Variants in MARCHF1 observed in about 807,000 individuals in gnomAD.
MARCHF1 encodes membrane associated ring-CH-type finger 1, also known as E3 ubiquitin-protein ligase MARCHF1.
MARCHF1 carries 40 observed loss-of-function variants against 54.2 expected under a neutral mutation model. The ratio of observed to expected loss-of-function variants is 0.74; its 90% CI spans 0.57 to 0.96. MARCHF1 has a LOEUF of 0.96. Among genes scored for constraint, MARCHF1 ranks in the 40% least tolerant of loss-of-function variants. The pLI, the probability that MARCHF1 is intolerant of heterozygous loss-of-function variation, is 0.00. For synonymous variants in MARCHF1, 236 were observed against 236.3 expected (o/e 1.00, Z 0.01); for missense variants, 586 against 656.5 (o/e 0.89, Z 1.17).
chr4:163,837,318 CA>C (rs925644402), intron 4 of MARCHF1, among the ~76,000 whole-genome samples: 4 of 150,452 alleles, frequency 2.7e-5, no homozygotes, highest in Non-Finnish European at 5.9e-5. Flanking sequence ...AGCTGCAATA[CA>C]AAAAAAAAGT....
chr4:164,177,659 A>G (rs1730723615), intron 1 of MARCHF1, among the ~76,000 whole-genome samples: 1 of 152,194 alleles, frequency 6.6e-6, no homozygotes, highest in Non-Finnish European at 1.5e-5. Context: ...TAAGTGACAT[A>G]CTTAAGAAGA....
intron 3 of MARCHF1, among the ~76,000 whole-genome samples, chr4:163,952,241 A>G (rs1190802524): frequency 1.3e-5 from 2 of 152,200 alleles, no homozygotes; most frequent in Non-Finnish European, 1.5e-5. Context: ...TATTTCACAC[A>G]TTCTTTTATT....
chr4:164,082,150 C>G (rs1374965051), intron 2 of MARCHF1, among the ~76,000 whole-genome samples: 1 of 152,202 alleles, frequency 6.6e-6, no homozygotes, highest in Non-Finnish European at 1.5e-5. Context: ...TACATGTTCA[C>G]TGTAAATATC....
intron 3 of MARCHF1, among the ~76,000 whole-genome samples, chr4:163,905,629 T>C (rs1751048768): frequency 6.6e-6 from 1 of 152,108 alleles, no homozygotes; most frequent in Non-Finnish European, 1.5e-5. Context: ...AAGATATTGC[T>C]CTGGAGGTCC....
chr4:164,112,027 G>A (rs903316151), intron 1 of MARCHF1, among the ~76,000 whole-genome samples: 2 of 151,806 alleles, frequency 1.3e-5, no homozygotes, highest in Non-Finnish European at 3.0e-5. Flanking sequence ...TCCAAAGACA[G>A]AGGCAAAATT....
intron 8 of MARCHF1, among the ~76,000 whole-genome samples, chr4:163,554,511 T>C (rs1195841933): frequency 6.6e-6 from 1 of 152,202 alleles, no homozygotes; most frequent in Non-Finnish European, 1.5e-5. Flanking sequence ...AGAAGCCACA[T>C]GGTCAGAGAG....
intron 7 of MARCHF1, among the ~76,000 whole-genome samples, chr4:163,604,361 A>G (rs1741075354): frequency 6.6e-6 from 1 of 152,068 alleles, no homozygotes; most frequent in South Asian, 2.1e-4. Context: ...GTGGTTACCT[A>G]CCCAGTGTTC....
intron 2 of MARCHF1, among the ~76,000 whole-genome samples, chr4:164,011,100 G>A (rs948423590): frequency 6.6e-6 from 1 of 151,886 alleles, no homozygotes; most frequent in African/African-American, 2.4e-5. Flanking sequence ...CTCGAACCAC[G>A]CCCCAAATTC....
At position 163,921,617 on chromosome 4, in the gene MARCHF1, A is replaced by ATT. The variant is rs397715792; in HGVS notation, c.-39+66882_-39+66883dup. Among the ~76,000 whole-genome samples the ATT allele has an allele frequency of 2.0e-3, 298 of 151,992 alleles. 1 individual carries two copies. Among genetic ancestry groups the ATT allele is most frequent in the African/African-American group, 7.0e-3 (288 of 41,436 alleles). On this transcript the variant is annotated intron_variant, in intron 3 of 9. Transcript: ENST00000514618. Reference sequence around the variant, plus strand: ...TTTAGGAATTCTTCGTTGGTTATATATTTTTTTCTCACATTGTTACAGCTG... The same window carrying ATT: ...TTTAGGAATTCTTCGTTGGTTATATATTTTTTTTTCTCACATTGTTACAGCTG...
At chr4:164,254,173 C>T (rs1733202365) in intron 1 of MARCHF1, among the ~76,000 whole-genome samples, 1 of 151,766 alleles carries the variant, frequency 6.6e-6, no homozygotes. Flanking sequence ...GTGATCTCGG[C>T]TCTGAGTAGC....
intron 2 of MARCHF1, among the ~76,000 whole-genome samples, chr4:164,078,127 A>G (rs1460548885): frequency 6.6e-6 from 1 of 152,240 alleles, no homozygotes; most frequent in African/African-American, 2.4e-5. Flanking sequence ...ACTTGGAACC[A>G]ATCTAAACGC....
intron 9 of MARCHF1, among the ~76,000 whole-genome samples, 192 bp from the exon 10 acceptor site, chr4:163,529,238 G>T (rs1483863224): frequency 6.6e-6 from 1 of 151,800 alleles, no homozygotes; most frequent in Non-Finnish European, 1.5e-5. Flanking sequence ...TATCCTACAT[G>T]TACTGTCAAA....
At chr4:164,233,485 A>G (rs1165575148) in intron 1 of MARCHF1, among the ~76,000 whole-genome samples, 1 of 151,864 alleles carries the variant, frequency 6.6e-6, no homozygotes, top group Non-Finnish European at 1.5e-5. Context: ...TTTCCTATTC[A>G]TCTCCCCTCT....
At chr4:164,370,408 C>A (rs1479404560) in intron 1 of MARCHF1, among the ~76,000 whole-genome samples, 1 of 152,168 alleles carries the variant, frequency 6.6e-6, no homozygotes, top group Non-Finnish European at 1.5e-5. Context: ...GCATTCACTT[C>A]TACACCTGCT....
intron 3 of MARCHF1, among the ~76,000 whole-genome samples, chr4:163,919,831 G>A (rs773989654): frequency 1.3e-5 from 2 of 151,972 alleles, no homozygotes; most frequent in Non-Finnish European, 2.9e-5. Context: ...TGTTTTAATA[G>A]CATTTTTCTA....
intron 1 of MARCHF1, among the ~76,000 whole-genome samples, chr4:164,279,613 T>C (rs1733974324): frequency 6.6e-6 from 1 of 151,698 alleles, no homozygotes; most frequent in South Asian, 2.1e-4. Context: ...TTGGACATTG[T>C]ATACATGTAT....
intron 3 of MARCHF1, among the ~76,000 whole-genome samples, chr4:163,971,702 A>T (rs1423393279): frequency 6.6e-6 from 1 of 152,202 alleles, no homozygotes; most frequent in Non-Finnish European, 1.5e-5. Flanking sequence ...TGGACCAAGT[A>T]AATACAATAA....
intron 7 of MARCHF1, 40 bp downstream of exon 7, chr4:163,612,231 A>C (rs1437887034): frequency 1.4e-6 from 2 of 1,442,884 alleles, no homozygotes; most frequent in Non-Finnish European, 1.8e-6. Flanking sequence ...AAAAAGAACT[A>C]TATATGGATG....
At chr4:163,765,238 A>T (rs1746940953) in intron 4 of MARCHF1, among the ~76,000 whole-genome samples, 1 of 152,120 alleles carries the variant, frequency 6.6e-6, no homozygotes, top group South Asian at 2.1e-4. Context: ...ATTAAACTTA[A>T]AAGTGTGAAG....
Sources: allele counts gnomAD v4.1 joint callset (sites outside exome capture counted in the v4.1 genomes callset), GRCh38; gene constraint gnomAD v4.1.1; transcripts MANE v1.5; gene names NCBI Gene and HGNC (gene_info 2026-07-23, HGNC 2026-07-21).